Variants in GALNT18 observed in about 807,000 individuals in gnomAD.
GALNT18 encodes the protein polypeptide N-acetylgalactosaminyltransferase 18.
In GALNT18, 44 loss-of-function variants were observed where a neutral mutation model predicts 69.5. That is an observed-to-expected ratio of 0.63 (90% confidence interval 0.50 to 0.81). The LOEUF is 0.81. Ranked by LOEUF, GALNT18 falls within the 40% of genes least tolerant of loss-of-function variation. The pLI, the probability that GALNT18 is intolerant of heterozygous loss-of-function variation, is 0.00. For synonymous variants in GALNT18, 364 were observed against 318.2 expected (o/e 1.14, Z -1.53); for missense variants, 715 against 810.0 (o/e 0.88, Z 1.42).
Position 11,284,930 on chromosome 11 carries a change from T to TTTTTTA in GALNT18, c.1677+8098_1677+8099insTAAAAA, listed in dbSNP as rs1554909662. 3.3e-4 allele frequency among the ~76,000 whole-genome samples: 44 copies of TTTTTTA among 134,710 alleles called. 1 individual carries two copies. The highest frequency in any genetic ancestry group is 7.9e-4 in the African/African-American group (29 of 36,890). 88.4% of individuals were successfully genotyped at this position (134,710 alleles called of 152,430 possible). ...CGTGTTTTTTTTTTTTTTTTTTTTT[T>TTTTTTA]AACTACTTGGGCGTTCTCTTTCTTA... On this transcript the variant is annotated intron_variant, in intron 10 of 10. Coordinates refer to ENST00000227756, the MANE Select transcript of GALNT18 (RefSeq NM_198516.3).
At chr11:11,501,692 AC>A (rs2133899917) in intron 1 of GALNT18, among the ~76,000 whole-genome samples, 1 of 152,270 alleles carries the variant, frequency 6.6e-6, no homozygotes, top group South Asian at 2.1e-4. Context: ...CAACCAGAAG[AC>A]CTGGAACAAA....
Position 11,377,634 on chromosome 11 carries a change from C to T in GALNT18, c.780-255G>A, listed in dbSNP as rs911350684. 8.0e-5 allele frequency among the ~76,000 whole-genome samples: 12 copies of T among 149,754 alleles called. No homozygotes were observed. The highest frequency in any genetic ancestry group is 3.0e-4 in the African/African-American group (12 of 40,464). On this transcript the variant is annotated intron_variant, in intron 4 of 10. Coordinates refer to ENST00000227756, the MANE Select transcript of GALNT18 (RefSeq NM_198516.3). The surrounding 1 kb of genome is among the most constrained non-coding windows in gnomAD (Gnocchi z 4.6). The stretch of plus-strand genomic sequence containing the variant: ...TGAGCTGAGAGATTCTTATTCCAGC[C>T]AACCTTGTGCCTGCTCGCTTTCCCT...
chr11:11,292,952 C>A lies in GALNT18; in HGVS notation c.1677+77G>T, dbSNP rs568965427. On this transcript the variant is annotated intron_variant, in intron 10 of 10. Coordinates refer to ENST00000227756, the MANE Select transcript of GALNT18 (RefSeq NM_198516.3). ...TCCTTCCCCTTCCCCTCTCCTCCACCACCTCCCTGGCCCCTGAGGCCACTC... is the reference window on the plus strand; with the variant it reads ...TCCTTCCCCTTCCCCTCTCCTCCACAACCTCCCTGGCCCCTGAGGCCACTC... 4.1e-4 allele frequency: 521 copies of A among 1,284,484 alleles called. 4 individuals are homozygous for A. The African/African-American group carries it at 7.2e-3, about 18-fold the overall frequency. 79.6% of individuals were successfully genotyped at this position (1,284,484 alleles called of 1,614,324 possible).
At chr11:11,607,991 C>T (rs1443560565) in intron 1 of GALNT18, among the ~76,000 whole-genome samples, 1 of 152,208 alleles carries the variant, frequency 6.6e-6, no homozygotes, top group Non-Finnish European at 1.5e-5. Context: ...CAAACAAGGG[C>T]AGGTCCCCAG....
At chr11:11,507,956 A>G (rs1240005420) in intron 1 of GALNT18, among the ~76,000 whole-genome samples, 1 of 152,176 alleles carries the variant, frequency 6.6e-6, no homozygotes. Flanking sequence ...TCTACCTTCG[A>G]CCACAGACTG....
At chr11:11,410,611 A>G (rs1192670928) in intron 3 of GALNT18, among the ~76,000 whole-genome samples, 4 of 152,054 alleles carry the variant, frequency 2.6e-5, no homozygotes, top group Non-Finnish European at 5.9e-5. Context: ...CTTTCTCAAG[A>G]TTTCTCACCC....
In GALNT18 at chr11:11,469,479, G is replaced by C. The variant is rs895296033; in HGVS notation, c.236-20543C>G. On this transcript the variant is annotated intron_variant, in intron 1 of 10. Coordinates refer to ENST00000227756, the MANE Select transcript of GALNT18 (RefSeq NM_198516.3). The surrounding 1 kb of genome is among the most constrained non-coding windows in gnomAD (Gnocchi z 4.2). ...GCTCAACAGAAGCCCCTGTCCTCTA[G>C]AGAGCAATCCCTGGTCCCCTGACCC... Among the ~76,000 whole-genome samples the C allele has an allele frequency of 6.6e-6, 1 of 152,216 alleles. No individual in the cohort carries two copies. Among genetic ancestry groups the C allele is most frequent in the Non-Finnish European group, 1.5e-5 (1 of 68,042 alleles).
chr11:11,427,871 T>C (rs978252410), intron 3 of GALNT18, among the ~76,000 whole-genome samples: 2 of 152,228 alleles, frequency 1.3e-5, no homozygotes, highest in Non-Finnish European at 2.9e-5. Context: ...CCAGTGCCTC[T>C]GTGAGGCAGA....
rs146973590 is a variant in GALNT18 at position 11,372,450 on chromosome 11, A to C, written c.1092+65T>G. On this transcript the variant is annotated intron_variant, in intron 6 of 10. Coordinates refer to ENST00000227756, the MANE Select transcript of GALNT18 (RefSeq NM_198516.3). This position sits in a 1 kb window ranked among gnomAD's most constrained non-coding sequence, Gnocchi z 4.9. ...CCTCAACCTTAAACCCCATTTCTCC[A>C]CCCCCAGACTCATTCACCCTGGTGG... The C allele has an allele frequency of 8.5e-5, 106 of 1,246,576 alleles. No individual in the cohort carries two copies. The African/African-American group carries it at 1.1e-3, about 13-fold the overall frequency. The allele number at this position is 1,246,576 out of a possible 1,614,324, so 77.2% of individuals were successfully genotyped here.
rs1404971989 is a variant in GALNT18, at chr11:11,598,735, A to C, written c.235+22624T>G. On this transcript the variant is annotated intron_variant, in intron 1 of 10. Coordinates refer to ENST00000227756, the MANE Select transcript of GALNT18 (RefSeq NM_198516.3). This position sits in a 1 kb window ranked among gnomAD's most constrained non-coding sequence, Gnocchi z 4.8. ...TTTTTCAATATAGACATTTATAGTT[A>C]TACATTTCCCTTTAAATACTACTTT... Among the ~76,000 whole-genome samples the C allele has an allele frequency of 1.3e-5, 2 of 152,202 alleles. No homozygotes were observed. Among genetic ancestry groups the C allele is most frequent in the African/African-American group, 4.8e-5 (2 of 41,462 alleles).
intron 3 of GALNT18, among the ~76,000 whole-genome samples, chr11:11,401,776 C>T (rs1589971872): frequency 1.3e-5 from 2 of 152,334 alleles, no homozygotes; most frequent in South Asian, 4.1e-4. Context: ...CTGTTCTAAA[C>T]ATTAAAGAGA....
chr11:11,529,583 C>A (rs71478972), intron 1 of GALNT18, among the ~76,000 whole-genome samples: 3 of 151,864 alleles, frequency 2.0e-5, no homozygotes, highest in African/African-American at 4.8e-5. Context: ...GGGGCTTCTC[C>A]GCCTCAATAA....
chr11:11,352,507 C>T (rs764258813), intron 6 of GALNT18: 1 of 1,614,152 alleles, frequency 6.2e-7, no homozygotes, highest in South Asian at 1.1e-5. Context: ...ATCTGATAGT[C>T]TACAAGTAGC....
rs1858581295 is a variant in GALNT18, at chr11:11,564,005, G to C, written c.235+57354C>G. Among the ~76,000 whole-genome samples, 1 of 152,130 alleles carries C rather than the reference G, an allele frequency of 6.6e-6. No homozygotes were observed. The highest frequency in any genetic ancestry group is 2.1e-4 in the South Asian group (1 of 4,834). On this transcript the variant is annotated intron_variant, in intron 1 of 10. Coordinates refer to ENST00000227756, the MANE Select transcript of GALNT18 (RefSeq NM_198516.3). The surrounding 1 kb of genome is among the most constrained non-coding windows in gnomAD (Gnocchi z 4.3). The stretch of plus-strand genomic sequence containing the variant: ...GCTTGCTCCAACGCCCTAAAAACCA[G>C]CAACGATCAACTAGATGCTGATTAC...
intron 1 of GALNT18, among the ~76,000 whole-genome samples, chr11:11,599,295 T>C (rs892517478): frequency 1.4e-4 from 22 of 152,148 alleles, no homozygotes; most frequent in Non-Finnish European, 2.6e-4. Flanking sequence ...TGCATATGTG[T>C]TTATAATTTC....
Position 11,550,178 on chromosome 11 carries a change from G to C in GALNT18, c.235+71181C>G, listed in dbSNP as rs116461079. On this transcript the variant is annotated intron_variant, in intron 1 of 10. Coordinates refer to ENST00000227756, the MANE Select transcript of GALNT18 (RefSeq NM_198516.3). ...CAGCTCTGAGCTCCTGCAGAAAACAGGCACCAGTTGTCCCAGTCCAGGTGG... is the reference window on the plus strand; with the variant it reads ...CAGCTCTGAGCTCCTGCAGAAAACACGCACCAGTTGTCCCAGTCCAGGTGG... Among the ~76,000 whole-genome samples, 318 of 152,324 alleles carry C rather than the reference G, an allele frequency of 2.1e-3. 3 individuals carry two copies. The highest frequency in any genetic ancestry group is 7.5e-3 in the African/African-American group (310 of 41,566).
At chr11:11,280,142 AC>A (rs1049633329) in intron 10 of GALNT18, among the ~76,000 whole-genome samples, 3 of 151,924 alleles carry the variant, frequency 2.0e-5, no homozygotes, top group African/African-American at 7.3e-5. Flanking sequence ...ACCCCAGGGC[AC>A]CCCCCGCCCG....
chr11:11,521,009 G>C (rs975461092), intron 1 of GALNT18, among the ~76,000 whole-genome samples: 1 of 152,038 alleles, frequency 6.6e-6, no homozygotes, highest in Non-Finnish European at 1.5e-5. Context: ...AAGGCTCCCC[G>C]TGCCCTTGTT....
chr11:11,412,605 C>T (rs1854757151), intron 3 of GALNT18, among the ~76,000 whole-genome samples: 2 of 152,238 alleles, frequency 1.3e-5, no homozygotes, highest in South Asian at 4.1e-4. Context: ...GCAGAGGTTC[C>T]AGCATGCCTT....
Sources: allele counts gnomAD v4.1 joint callset (sites outside exome capture counted in the v4.1 genomes callset), GRCh38; gene constraint gnomAD v4.1.1; non-coding constraint Gnocchi (gnomAD v3.1); transcripts MANE v1.5; gene names NCBI Gene and HGNC (gene_info 2026-07-23, HGNC 2026-07-21).